ANXA13: variants seen among roughly 807,000 people sequenced by gnomAD.
ANXA13 encodes annexin XIII.
ANXA13 carries 36 observed loss-of-function variants against 46.6 expected under a neutral mutation model. The observed-to-expected ratio is 0.77, with a 90% CI of 0.59 to 1.02. The LOEUF (loss-of-function observed/expected upper bound fraction) is 1.02, where lower values mean the gene tolerates loss of function less well. Among genes scored for constraint, ANXA13 ranks in the 50% least tolerant of loss-of-function variants. ANXA13 has a pLI of 0.00. For missense variants in ANXA13, 417 were observed against 396.5 expected, an observed-to-expected ratio of 1.05 and a Z score of -0.44; for synonymous variants, 163 against 152.9, an observed-to-expected ratio of 1.07 and a Z score of -0.49.
In ANXA13 at chr8:123,727,093, G is replaced by A. The variant is rs527943733; in HGVS notation, c.15+10227C>T. ...GGTAAGGAATAAAAAACTACAAATA[G>A]GGTTCAGTGTATACTGCTCGGGTGA... On this transcript the variant is annotated intron_variant, in intron 1 of 10. Coordinates refer to ENST00000419625, the MANE Select transcript of ANXA13 (RefSeq NM_004306.4). Among the ~76,000 whole-genome samples the A allele has an allele frequency of 2.6e-5, 4 of 152,226 alleles. No individual in the cohort carries two copies. In the South Asian group the frequency reaches 8.3e-4, roughly 32 times the overall value.
intron 2 of ANXA13, among the ~76,000 whole-genome samples, chr8:123,705,392 G>A (rs758863670): frequency 3.3e-5 from 5 of 152,154 alleles, no homozygotes; most frequent in Non-Finnish European, 7.4e-5. Context: ...TGGTGGCATC[G>A]AGACTTCCCG....
At chr8:123,728,224 G>A (rs1290376835) in intron 1 of ANXA13, 2 of 152,188 alleles carry the variant, frequency 1.3e-5, no homozygotes, top group Non-Finnish European at 2.9e-5. Flanking sequence ...GAAAATGACT[G>A]TCTGCTTTGA....
intron 1 of ANXA13, among the ~76,000 whole-genome samples, chr8:123,720,657 CGTGTGTGTGTGTGTGTGT>C (rs34135339): frequency 7.1e-6 from 1 of 141,436 alleles, no homozygotes; most frequent in African/African-American, 2.6e-5. Context: ...CCTGTGTCCC[CGTGTGTGTGTGTGTGTGT>C]GTGTGTGTGT....
At chr8:123,715,926 G>A (rs1006705924) in intron 1 of ANXA13, among the ~76,000 whole-genome samples, 1 of 152,126 alleles carries the variant, frequency 6.6e-6, no homozygotes, top group Non-Finnish European at 1.5e-5. Flanking sequence ...TGAGGGGTGA[G>A]ACAAAAGAAT....
chr8:123,711,073 G>C (rs1240162284), intron 2 of ANXA13, among the ~76,000 whole-genome samples: 2 of 152,112 alleles, frequency 1.3e-5, no homozygotes, highest in Non-Finnish European at 2.9e-5. Context: ...TCCCTACTCA[G>C]TGGGGCCCTT....
chr8:123,716,970 C>G (rs935499731), intron 1 of ANXA13, among the ~76,000 whole-genome samples: 3 of 152,130 alleles, frequency 2.0e-5, no homozygotes, highest in Admixed American at 2.0e-4. Flanking sequence ...CACGGATATT[C>G]CATTTGTTTT....
At chr8:123,705,377 C>T (rs1813520646) in intron 2 of ANXA13, among the ~76,000 whole-genome samples, 1 of 152,166 alleles carries the variant, frequency 6.6e-6, no homozygotes, top group Non-Finnish European at 1.5e-5. Flanking sequence ...CATCAGAATC[C>T]CTTATGGTGG....
chr8:123,718,686 C>G (rs933484324), intron 1 of ANXA13, among the ~76,000 whole-genome samples: 1 of 152,160 alleles, frequency 6.6e-6, no homozygotes, highest in African/African-American at 2.4e-5. Flanking sequence ...TGTGTATTTA[C>G]GTTCCTGTGT....
Position 123,715,031 on chromosome 8 carries a change from GTCGGATGAC to G in ANXA13, c.16-2287_16-2279del, listed in dbSNP as rs544736026. Reference sequence around the variant, plus strand: ...AGAGCTTCCATCATCCAACAGAGGGGTCGGATGACTCTGGAGTTGCAGAATGATACCTCC... The same window carrying G: ...AGAGCTTCCATCATCCAACAGAGGGGTCTGGAGTTGCAGAATGATACCTCC... On this transcript the variant is annotated intron_variant, in intron 1 of 10. Coordinates refer to ENST00000419625, the MANE Select transcript of ANXA13 (RefSeq NM_004306.4). Among the ~76,000 whole-genome samples, 18 of 152,368 alleles carry G rather than the reference GTCGGATGAC, an allele frequency of 1.2e-4. No individual in the cohort carries two copies. The South Asian group carries it at 3.7e-3, about 32-fold the overall frequency.
intron 1 of ANXA13, among the ~76,000 whole-genome samples, chr8:123,726,816 A>T (rs145738376): frequency 9.2e-5 from 14 of 152,370 alleles, no homozygotes; most frequent in African/African-American, 3.4e-4. Flanking sequence ...ATGCCCATCA[A>T]TCAATGAGTG....
At chr8:123,692,618 G>A (rs898831205) in intron 8 of ANXA13, among the ~76,000 whole-genome samples, 1 of 152,140 alleles carries the variant, frequency 6.6e-6, no homozygotes, top group African/African-American at 2.4e-5. Context: ...AGAATGGTGG[G>A]CACTGTTAGC....
At chr8:123,718,784 G>A (rs1001234362) in intron 1 of ANXA13, among the ~76,000 whole-genome samples, 3 of 152,210 alleles carry the variant, frequency 2.0e-5, no homozygotes, top group Admixed American at 2.0e-4. Context: ...ATCCTAGGAA[G>A]CGGTGTCACC....
At chr8:123,719,401 G>A (rs16898793) in intron 1 of ANXA13, among the ~76,000 whole-genome samples, 9 of 151,586 alleles carry the variant, frequency 5.9e-5, no homozygotes, top group Non-Finnish European at 1.3e-4. Flanking sequence ...AAAATCTATT[G>A]TATGTTAAGC....
chr8:123,695,580 T>G lies in ANXA13; in HGVS notation c.393A>C (p.Leu131=), dbSNP rs1265112822. The change falls in exon 6 of 11, where the codon CTA becomes CTC. Residue 131 remains leucine (L), a splice_region_variant and synonymous_variant. Transcript: ENST00000419625. ...CATCTGATTCGAGGCTCCTATCAAA[T>G]ACTTCGAAGGAAGTAAACAAGGAGG... ...IIAIKEAYQR[L]FDRSLESDVK... 6.2e-7 allele frequency: 1 copy of G among 1,614,004 alleles called. No individual in the cohort carries two copies. The highest frequency in any genetic ancestry group is 8.5e-7 in the Non-Finnish European group (1 of 1,179,890).
chr8:123,736,696 A>G (rs970014094), intron 1 of ANXA13, among the ~76,000 whole-genome samples: 1 of 152,304 alleles, frequency 6.6e-6, no homozygotes. Flanking sequence ...AATTTGCTAC[A>G]AACTAACAGC....
chr8:123,682,154 T>C (rs943758770), intron 10 of ANXA13, among the ~76,000 whole-genome samples: 1 of 152,166 alleles, frequency 6.6e-6, no homozygotes, highest in Non-Finnish European at 1.5e-5. Flanking sequence ...TTTTCCCTCA[T>C]ACCATGATTA....
intron 6 of ANXA13, 133 bp downstream of exon 6, chr8:123,695,369 T>A (rs1236973121): frequency 1.4e-6 from 1 of 702,694 alleles, no homozygotes; most frequent in Non-Finnish European, 2.4e-6. Flanking sequence ...GGAGCATGGG[T>A]TGATAATCCC....
intron 1 of ANXA13, among the ~76,000 whole-genome samples, chr8:123,736,161 T>C (rs1301539382): frequency 6.6e-6 from 1 of 152,228 alleles, no homozygotes; most frequent in Non-Finnish European, 1.5e-5. Context: ...TTTGTAAGTT[T>C]GTAAACATCT....
At chr8:123,720,280 C>G (rs2129917766) in intron 1 of ANXA13, among the ~76,000 whole-genome samples, 1 of 152,190 alleles carries the variant, frequency 6.6e-6, no homozygotes, top group African/African-American at 2.4e-5. Flanking sequence ...GATTAAATAC[C>G]AGGGCCAAGA....
Sources: allele counts gnomAD v4.1 joint callset (sites outside exome capture counted in the v4.1 genomes callset), GRCh38; gene constraint gnomAD v4.1.1; transcripts MANE v1.5; gene names NCBI Gene and HGNC (gene_info 2026-07-23, HGNC 2026-07-21).